Variants in CPQ observed in about 807,000 individuals in gnomAD.
The protein encoded by CPQ is Ser-Met dipeptidase.
In CPQ, 37 loss-of-function variants were observed where a neutral mutation model predicts 45.7. The ratio of observed to expected loss-of-function variants is 0.81; its 90% CI spans 0.62 to 1.07. The LOEUF is 1.07. Among genes scored for constraint, CPQ ranks in the 50% least tolerant of loss-of-function variants. The pLI, the probability that CPQ is intolerant of heterozygous loss-of-function variation, is 0.00. For missense variants in CPQ, 537 were observed against 572.9 expected (o/e 0.94, Z 0.64); for synonymous variants, 186 against 205.8 (o/e 0.90, Z 0.82).
intron 7 of CPQ, among the ~76,000 whole-genome samples, chr8:97,080,826 A>T (rs1360977446): frequency 6.6e-6 from 1 of 152,140 alleles, no homozygotes; most frequent in Non-Finnish European, 1.5e-5. Context: ...TCTATTAGTT[A>T]TGCATCTTTT....
intron 1 of CPQ, among the ~76,000 whole-genome samples, chr8:96,708,956 A>G (rs1037315355): frequency 6.6e-6 from 1 of 152,052 alleles, no homozygotes; most frequent in African/African-American, 2.4e-5. Flanking sequence ...TCTTTTAAGT[A>G]TTTTACTTTT....
At chr8:97,140,367 T>TAA (rs58477893) in intron 7 of CPQ, among the ~76,000 whole-genome samples, 119 of 151,268 alleles carry the variant, frequency 7.9e-4, no homozygotes, top group African/African-American at 2.5e-3. Flanking sequence ...CCAGAATGTA[T>TAA]AAAAAAAAGA....
chr8:97,085,004 T>TAAAC (rs755823130), intron 7 of CPQ, among the ~76,000 whole-genome samples: 1 of 152,170 alleles, frequency 6.6e-6, no homozygotes, highest in Non-Finnish European at 1.5e-5. Context: ...TTTCTGTTTC[T>TAAAC]AAACACTATT....
intron 1 of CPQ, among the ~76,000 whole-genome samples, chr8:96,707,729 T>C (rs1409720780): frequency 1.3e-5 from 2 of 152,140 alleles, no homozygotes; most frequent in East Asian, 1.9e-4. Context: ...AGATTTATTA[T>C]TTTGTAGTTC....
At chr8:96,982,524 A>G (rs942042285) in intron 5 of CPQ, among the ~76,000 whole-genome samples, 2 of 152,076 alleles carry the variant, frequency 1.3e-5, no homozygotes, top group African/African-American at 4.8e-5. Flanking sequence ...ATTCTTTTTT[A>G]TAGAGACAGG....
At chr8:97,100,676 A>T (rs931871022) in intron 7 of CPQ, among the ~76,000 whole-genome samples, 7 of 152,218 alleles carry the variant, frequency 4.6e-5, no homozygotes, top group African/African-American at 1.4e-4. Context: ...TTTATAGGTT[A>T]AAAATGGTAA....
At chr8:96,762,978 G>T (rs1230112966) in intron 1 of CPQ, among the ~76,000 whole-genome samples, 1 of 152,120 alleles carries the variant, frequency 6.6e-6, no homozygotes, top group East Asian at 1.9e-4. Flanking sequence ...AATTCTTGAG[G>T]CTGGAAGTCT....
At chr8:96,743,810 A>G (rs953016103) in intron 1 of CPQ, among the ~76,000 whole-genome samples, 3 of 152,242 alleles carry the variant, frequency 2.0e-5, no homozygotes, top group Non-Finnish European at 4.4e-5. Flanking sequence ...TCAGGGACCC[A>G]CTTGCGGAGG....
chr8:96,852,595 C>T (rs1326126452), intron 3 of CPQ, among the ~76,000 whole-genome samples: 1 of 152,148 alleles, frequency 6.6e-6, no homozygotes, highest in Non-Finnish European at 1.5e-5. Flanking sequence ...GCCTCCTTAC[C>T]TCCTTCAGTT....
intron 4 of CPQ, among the ~76,000 whole-genome samples, chr8:96,911,626 A>G (rs1812665437): frequency 6.6e-6 from 1 of 152,152 alleles, no homozygotes; most frequent in South Asian, 2.1e-4. Context: ...TGCGGTCCTG[A>G]GCCATCAGGG....
At chr8:96,997,375 AT>A (rs1809195832) in intron 5 of CPQ, among the ~76,000 whole-genome samples, 1 of 151,976 alleles carries the variant, frequency 6.6e-6, no homozygotes, top group Admixed American at 6.6e-5. Context: ...CCAAGTTCAG[AT>A]TTTTGCTGAC....
At chr8:96,685,042 T>A (rs1809207303) in intron 1 of CPQ, among the ~76,000 whole-genome samples, 1 of 152,054 alleles carries the variant, frequency 6.6e-6, no homozygotes, top group African/African-American at 2.4e-5. Context: ...AGGCGGAGGT[T>A]GCAGTGAGCT....
At chr8:96,854,228 C>T (rs1335184790) in intron 3 of CPQ, among the ~76,000 whole-genome samples, 3 of 152,034 alleles carry the variant, frequency 2.0e-5, no homozygotes, top group African/African-American at 7.2e-5. Context: ...TGTATTGTGT[C>T]TTCCTTTTAA....
intron 1 of CPQ, among the ~76,000 whole-genome samples, chr8:96,750,188 A>G (rs1048301319): frequency 2.0e-4 from 31 of 151,968 alleles, no homozygotes; most frequent in Non-Finnish European, 2.2e-4. Flanking sequence ...GAAGTTGTCA[A>G]TGAGAGATTT....
At chr8:96,908,777 A>ACCCC (rs1554577108) in intron 4 of CPQ, among the ~76,000 whole-genome samples, 8 of 150,282 alleles carry the variant, frequency 5.3e-5, no homozygotes, top group African/African-American at 1.5e-4. Context: ...ACACACACAC[A>ACCCC]CCATATATTC....
At chr8:97,052,528 T>G (rs531594299) in intron 6 of CPQ, among the ~76,000 whole-genome samples, 1 of 152,214 alleles carries the variant, frequency 6.6e-6, no homozygotes, top group South Asian at 2.1e-4. Flanking sequence ...TTTAAAATAT[T>G]ATATATTTAA....
chr8:96,813,702 G>A (rs940301890), intron 2 of CPQ, among the ~76,000 whole-genome samples: 1 of 152,074 alleles, frequency 6.6e-6, no homozygotes, highest in Non-Finnish European at 1.5e-5. Context: ...GGTGGGAATG[G>A]GTGGGAAAAT....
At chr8:96,814,478 A>G (rs1811200042) in intron 2 of CPQ, among the ~76,000 whole-genome samples, 1 of 152,212 alleles carries the variant, frequency 6.6e-6, no homozygotes, top group African/African-American at 2.4e-5. Flanking sequence ...GGCTACATTG[A>G]AGAAAGCAAT....
intron 2 of CPQ, among the ~76,000 whole-genome samples, chr8:96,806,841 T>A (rs1036144177): frequency 4.1e-4 from 63 of 152,300 alleles, no homozygotes; most frequent in African/African-American, 1.4e-3. Flanking sequence ...TATGGATATG[T>A]ATTTAAGTTA....
Sources: gnomAD v4.1 joint callset for allele counts (sites outside exome capture counted in the v4.1 genomes callset) on GRCh38, gnomAD v4.1.1 for gene constraint, MANE v1.5 for transcripts, NCBI Gene and HGNC (gene_info 2026-07-23, HGNC 2026-07-21) for gene names.